The following ACACA variants were observed in gnomAD, a reference collection of about 807,000 sequenced individuals.
ACACA encodes acetyl-CoA carboxylase 1.
In ACACA, 103 loss-of-function variants were observed where a neutral mutation model predicts 296.1. The observed-to-expected ratio is 0.35, with a 90% CI of 0.30 to 0.41. The LOEUF (loss-of-function observed/expected upper bound fraction) is 0.41. Among genes scored for constraint, ACACA ranks in the 10% least tolerant of loss-of-function variants. The pLI is 1.00. For synonymous variants in ACACA, 953 were observed against 1,038.6 expected (o/e 0.92, Z 1.58); for missense variants, 1,554 against 2,989.7 (o/e 0.52, Z 11.20).
At chr17:37,289,522 T>C (rs769801830) in intron 3 of ACACA, 3 of 1,350,560 alleles carry the variant, frequency 2.2e-6, no homozygotes, top group Non-Finnish European at 2.9e-6. Context: ...CACGAGTATT[T>C]CAAAGTCTGA....
chr17:37,169,261 A>G (rs752056386), intron 41 of ACACA, among the ~76,000 whole-genome samples: 1 of 152,218 alleles, frequency 6.6e-6, no homozygotes, highest in Non-Finnish European at 1.5e-5. Flanking sequence ...TAGAAGCACC[A>G]TAGCCATTTC....
intron 10 of ACACA, among the ~76,000 whole-genome samples, chr17:37,264,221 C>T (rs75100488): frequency 0.012 from 1,855 of 152,340 alleles, 54 homozygotes; most frequent in South Asian, 0.1. Flanking sequence ...CCATCCTGTA[C>T]TCTGTACAAC....
At chr17:37,244,814 C>T in intron 20 of ACACA, 80 bp from the exon 21 acceptor site, 1 of 1,584,494 alleles carries the variant, frequency 6.3e-7, no homozygotes, top group Non-Finnish European at 8.7e-7. Flanking sequence ...TAAGAGTTAT[C>T]ATTCAAAATC....
Position 37,252,045 on chromosome 17 carries a change from G to A in ACACA, c.2041C>T (p.Leu681=), listed in dbSNP as rs1425579158. The change falls in exon 16 of 56, where the codon CTG becomes TTG. Residue 681 remains leucine (L), a synonymous_variant. Transcript: ENST00000616317. Reference sequence around the variant, plus strand: ...AGGAAGTTAGAGACGCTATTCCGCAGGCTCACATCTGCCACGTGGAGGGCA... The same window carrying A: ...AGGAAGTTAGAGACGCTATTCCGCAAGCTCACATCTGCCACGTGGAGGGCA... The part of the protein sequence containing the change: ...CGALHVADVS[L]RNSVSNFLHS... The A allele has an allele frequency of 3.1e-6, 5 of 1,614,188 alleles. No individual in the cohort carries two copies. Among genetic ancestry groups the A allele is most frequent in the Non-Finnish European group, 4.2e-6 (5 of 1,180,036 alleles).
chr17:37,091,341 G>T (rs1012832449), intron 54 of ACACA, among the ~76,000 whole-genome samples: 3 of 152,180 alleles, frequency 2.0e-5, no homozygotes, highest in Admixed American at 2.0e-4. Flanking sequence ...TGCTGTTTAC[G>T]CAAAGTACAA....
chr17:37,205,876 T>TA lies in ACACA; in HGVS notation c.3949-5dup. ...GAATTGGTTCATCCCTGGGAACCTG[T>TA]AACTCAAGAACACAAGTCAAAGAAA... On this transcript the variant is annotated splice_polypyrimidine_tract_variant and splice_region_variant and intron_variant, in intron 32 of 55. Transcript: ENST00000616317. 2 of 1,606,758 alleles carry TA rather than the reference T, an allele frequency of 1.2e-6. No homozygotes were observed. The highest frequency in any genetic ancestry group is 1.7e-6 in the Non-Finnish European group (2 of 1,174,982).
rs2077154747 is a variant in ACACA at position 37,177,271 on chromosome 17, T to C, written c.5079+1989A>G. 8.6e-5 allele frequency among the ~76,000 whole-genome samples: 5 copies of C among 58,096 alleles called. No individual in the cohort carries two copies. The South Asian group carries it at 3.6e-3, about 42-fold the overall frequency. 38.1% of individuals were successfully genotyped at this position (58,096 alleles called of 152,430 possible). A position where few individuals can be genotyped will look rare whatever the true frequency, so the allele number is the denominator to read the frequency against. On this transcript the variant is annotated intron_variant, in intron 41 of 55. Transcript: ENST00000616317. ...AAACCTTTAATTTTTAAAAAATTCG[T>C]GTGTGTGTGTGTGTGTGTGTGTGTG... is the stretch of plus-strand genomic sequence containing the variant.
chr17:37,370,790 G>T (rs142293589), intron 1 of ACACA, among the ~76,000 whole-genome samples: 1,563 of 151,976 alleles, frequency 0.01, 20 homozygotes, highest in South Asian at 0.033. Flanking sequence ...TCGAGACCAG[G>T]CCGGCCAACA....
rs184293322 is a variant in ACACA at position 37,191,822 on chromosome 17, A to G, written c.4416+268T>C. 1.1e-3 allele frequency among the ~76,000 whole-genome samples: 174 copies of G among 152,204 alleles called. 1 individual carries two copies. The highest frequency in any genetic ancestry group is 5.7e-4 in the Non-Finnish European group (39 of 68,008). ...TGTTATTATGCTTCTGCTACCAAGAAAAATCAAATTAAAGTGGAAAAAGAG... is the reference window on the plus strand; with the variant it reads ...TGTTATTATGCTTCTGCTACCAAGAGAAATCAAATTAAAGTGGAAAAAGAG... On this transcript the variant is annotated intron_variant, in intron 37 of 55. Transcript: ENST00000616317.
chr17:37,162,159 T>A (rs2076485598), intron 41 of ACACA, 109 bp from the exon 42 acceptor site: 1 of 1,215,382 alleles, frequency 8.2e-7, no homozygotes, highest in African/African-American at 1.5e-5. Flanking sequence ...TATGTAAAGA[T>A]ACACATTGCT....
Position 37,192,318 on chromosome 17 carries a change from A to G in ACACA, c.4201-13T>C. ...GATCCTCCTCAAACTGAGTACAAGA[A>G]TCAGAGAAAAAACAGCTCACAAGAG... On this transcript the variant is annotated splice_polypyrimidine_tract_variant and intron_variant, in intron 36 of 55. Transcript: ENST00000616317. 3 of 1,612,688 alleles carry G rather than the reference A, an allele frequency of 1.9e-6. No homozygotes were observed. The highest frequency in any genetic ancestry group is 1.7e-6 in the Non-Finnish European group (2 of 1,179,472).
chr17:37,095,450 C>A lies in ACACA; in HGVS notation c.6891+1546G>T, dbSNP rs117251061. Among the ~76,000 whole-genome samples, 191 of 152,326 alleles carry A rather than the reference C, an allele frequency of 1.3e-3. 3 individuals are homozygous for A. The East Asian group carries it at 0.032, about 25-fold the overall frequency. Reference sequence around the variant, plus strand: ...ATAAAAAAAATGGGCAGACTTAATACAAAGGTGAATCCTAGAAGCACCCCA... The same window carrying A: ...ATAAAAAAAATGGGCAGACTTAATAAAAAGGTGAATCCTAGAAGCACCCCA... On this transcript the variant is annotated intron_variant, in intron 54 of 55. Coordinates refer to ENST00000616317, the MANE Select transcript of ACACA (RefSeq NM_198834.3).
intron 41 of ACACA, among the ~76,000 whole-genome samples, chr17:37,175,840 C>T (rs139231392): frequency 6.2e-4 from 94 of 152,236 alleles, no homozygotes; most frequent in African/African-American, 1.7e-3. Flanking sequence ...AGGTGGTACT[C>T]CTTTAGTTAC....
chr17:37,266,073 A>G (rs2081754713), intron 10 of ACACA, among the ~76,000 whole-genome samples: 1 of 151,576 alleles, frequency 6.6e-6, no homozygotes, highest in African/African-American at 2.4e-5. Flanking sequence ...GTCTGCATAG[A>G]CCTCTCTATA....
intron 33 of ACACA, among the ~76,000 whole-genome samples, chr17:37,203,736 T>C (rs1598164665): frequency 6.6e-6 from 1 of 151,746 alleles, no homozygotes; most frequent in East Asian, 1.9e-4. Context: ...AGAGTGAAAC[T>C]CCATCTCAAA....
intron 1 of ACACA, among the ~76,000 whole-genome samples, chr17:37,405,742 C>A (rs931575718): frequency 2.0e-5 from 3 of 151,036 alleles, no homozygotes; most frequent in Non-Finnish European, 2.9e-5. Flanking sequence ...TTAGTAGAGA[C>A]GGGATTTCAC....
intron 45 of ACACA, among the ~76,000 whole-genome samples, chr17:37,131,996 G>A (rs1349278710): frequency 6.6e-6 from 1 of 152,168 alleles, no homozygotes. Context: ...AGGCACTGCG[G>A]CTCTTTTCTC....
intron 1 of ACACA, chr17:37,359,184 A>G: frequency 1.0e-6 from 1 of 954,314 alleles, no homozygotes; most frequent in Non-Finnish European, 1.2e-6. Flanking sequence ...CCTGTCTCCC[A>G]CCTCAGCCGG....
intron 1 of ACACA, chr17:37,379,062 G>GT (rs1460321558): frequency 4.6e-5 from 68 of 1,482,200 alleles, no homozygotes; most frequent in Non-Finnish European, 6.1e-5. Context: ...ACAGAGCAAG[G>GT]CACCGTCTCA....
Sources: allele counts gnomAD v4.1 joint callset (sites outside exome capture counted in the v4.1 genomes callset), GRCh38; gene constraint gnomAD v4.1.1; transcripts MANE v1.5; gene names NCBI Gene and HGNC (gene_info 2026-07-23, HGNC 2026-07-21).